The following FOXP1 variants were observed in gnomAD, a reference collection of about 807,000 sequenced individuals.
FOXP1 encodes the protein forkhead box P1, also known as forkhead box protein P1.
In FOXP1, 15 loss-of-function variants were observed where a neutral mutation model predicts 98.2. The observed-to-expected ratio is 0.15, with a 90% confidence interval of 0.10 to 0.24. The LOEUF is 0.24. Among genes scored for constraint, FOXP1 ranks in the 10% least tolerant of loss-of-function variants. The pLI is 1.00. For missense variants in FOXP1, 633 were observed against 848.5 expected, an observed-to-expected ratio of 0.75 and a Z score of 3.15; for synonymous variants, 371 against 314.5, an observed-to-expected ratio of 1.18 and a Z score of -1.90.
intron 5 of FOXP1, among the ~76,000 whole-genome samples, chr3:71,233,928 G>A (rs1479061325): frequency 6.6e-6 from 1 of 152,162 alleles, no homozygotes; most frequent in East Asian, 1.9e-4. Flanking sequence ...CTCTTTCTTC[G>A]AGGGTTTGTG....
intron 3 of FOXP1, among the ~76,000 whole-genome samples, chr3:71,393,481 CG>C (rs147745543): frequency 0.016 from 2,387 of 152,052 alleles, 50 homozygotes; most frequent in South Asian, 0.087. Context: ...TGTACATTTA[CG>C]CAGTGGATGC....
At chr3:71,014,351 CAAAAG>C (rs1321626118) in intron 12 of FOXP1, among the ~76,000 whole-genome samples, 3 of 152,120 alleles carry the variant, frequency 2.0e-5, no homozygotes, top group Admixed American at 2.0e-4. Flanking sequence ...AGACACTTCT[CAAAAG>C]AAGACATTTA....
chr3:71,289,767 C>A (rs2072551254), intron 5 of FOXP1: 1 of 151,992 alleles, frequency 6.6e-6, no homozygotes, highest in Non-Finnish European at 1.5e-5. Flanking sequence ...CTGCCTCAGC[C>A]TCCCAAGTGT....
chr3:71,558,499 A>AC (rs2046302592), intron 2 of FOXP1, among the ~76,000 whole-genome samples: 1 of 141,750 alleles, frequency 7.1e-6, no homozygotes, highest in African/African-American at 2.6e-5. Flanking sequence ...GTTTTTTTGG[A>AC]TTTTTTTTTT....
intron 6 of FOXP1, among the ~76,000 whole-genome samples, chr3:71,158,129 G>A (rs1339735414): frequency 0.011 from 487 of 45,780 alleles, 4 homozygotes; most frequent in African/African-American, 0.028. Context: ...GGGAGGGAGG[G>A]AGGGAGGGAG....
At chr3:71,126,890 C>CAAAAA (rs66876896) in intron 6 of FOXP1, among the ~76,000 whole-genome samples, 2 of 132,230 alleles carry the variant, frequency 1.5e-5, no homozygotes, top group African/African-American at 5.9e-5. Flanking sequence ...AAAACAAAAA[C>CAAAAA]AAAAAAAAAA....
rs766683691 is a variant in FOXP1, at chr3:70,977,712, C to A, written c.1359G>T (p.Ala453=). ...YNVPISSADI[A]QNQEFYKNAE... is the part of the protein sequence containing the mutation. ...CGTTCTTATAAAATTCTTGGTTCTGCGCAATATCTGCTGAATAAGAATCAT... is the reference window on the plus strand; with the variant it reads ...CGTTCTTATAAAATTCTTGGTTCTGAGCAATATCTGCTGAATAAGAATCAT... The change falls in exon 16 of 21, where the codon GCG becomes GCT. Residue 453 remains alanine, a synonymous_variant. Coordinates refer to ENST00000649528, the MANE Select transcript of FOXP1 (RefSeq NM_001349338.3). 1.9e-6 allele frequency: 3 copies of A among 1,614,006 alleles called. No homozygotes were observed. Among genetic ancestry groups the A allele is most frequent in the Non-Finnish European group, 2.5e-6 (3 of 1,179,910 alleles).
At chr3:71,056,365 C>G (rs987619471) in intron 7 of FOXP1, among the ~76,000 whole-genome samples, 2 of 152,136 alleles carry the variant, frequency 1.3e-5, no homozygotes, top group African/African-American at 4.8e-5. Flanking sequence ...TGACATCAAA[C>G]CAGTGGCTTA....
At chr3:71,197,481 C>T (rs769583872) in intron 6 of FOXP1, among the ~76,000 whole-genome samples, 4 of 152,180 alleles carry the variant, frequency 2.6e-5, no homozygotes, top group Admixed American at 1.3e-4. Context: ...TTACCAGTCA[C>T]TCACAGGTAC....
At chr3:70,964,175 A>G (rs1235134104) in intron 20 of FOXP1, among the ~76,000 whole-genome samples, 1 of 152,228 alleles carries the variant, frequency 6.6e-6, no homozygotes, top group Non-Finnish European at 1.5e-5. Flanking sequence ...GTGAGATTTG[A>G]GCAACGCATG....
chr3:71,565,328 T>C (rs1019178781), intron 2 of FOXP1, among the ~76,000 whole-genome samples: 5 of 152,210 alleles, frequency 3.3e-5, no homozygotes, highest in African/African-American at 9.6e-5. Flanking sequence ...TCCTTATTGG[T>C]ACCTTTGAAA....
intron 6 of FOXP1, among the ~76,000 whole-genome samples, chr3:71,158,111 G>GGGAA (rs1553762372): frequency 5.2e-5 from 3 of 57,968 alleles, no homozygotes; most frequent in Admixed American, 1.8e-4. Context: ...AAGGAAGGGA[G>GGGAA]GGAGGGAGGG....
intron 3 of FOXP1, among the ~76,000 whole-genome samples, chr3:71,475,925 T>C (rs2089792981): frequency 6.6e-6 from 1 of 151,520 alleles, no homozygotes; most frequent in Admixed American, 6.6e-5. Context: ...AAAAACCTCT[T>C]CATGGAGATC....
chr3:70,965,775 G>C lies in FOXP1; in HGVS notation c.1889+115C>G, dbSNP rs1237954316. Reference sequence around the variant, plus strand: ...GTACAAACTTCTAGCTTGGTTCTGGGAAATCAGAAATTACAGAAAAGGTAT... The same window carrying C: ...GTACAAACTTCTAGCTTGGTTCTGGCAAATCAGAAATTACAGAAAAGGTAT... On this transcript the variant is annotated intron_variant, in intron 20 of 20. Coordinates refer to ENST00000649528, the MANE Select transcript of FOXP1 (RefSeq NM_001349338.3). 8 of 1,117,964 alleles carry C rather than the reference G, an allele frequency of 7.2e-6. No individual in the cohort carries two copies. The East Asian group carries it at 1.9e-4, about 26-fold the overall frequency. The allele number at this position is 1,117,964 out of a possible 1,614,324, so 69.3% of individuals were successfully genotyped here. A position where few individuals can be genotyped will look rare whatever the true frequency, so the allele number is the denominator to read the frequency against.
Position 70,958,756 on chromosome 3 carries a change from AAAAAAAAAAAAGG to A in FOXP1, c.*478_*490del. ...TGGAAGCAAAAAAAAAAAAAAAAAAAAAAAAAAAAAAGGAGTAAAGGCAGTGATAATCAACATG... is the reference window on the plus strand; with the variant it reads ...TGGAAGCAAAAAAAAAAAAAAAAAAAAGTAAAGGCAGTGATAATCAACATG... On this transcript the variant is annotated 3_prime_UTR_variant, in exon 21 of 21. Coordinates refer to ENST00000649528, the MANE Select transcript of FOXP1 (RefSeq NM_001349338.3). 4.5e-6 allele frequency: 1 copy of A among 222,064 alleles called. No individual in the cohort carries two copies. Among genetic ancestry groups the A allele is most frequent in the African/African-American group, 2.3e-5 (1 of 43,720 alleles). The allele number at this position is 222,064 out of a possible 1,614,324, so 13.8% of individuals were successfully genotyped here. A position where few individuals can be genotyped will look rare whatever the true frequency, so the allele number is the denominator to read the frequency against.
At chr3:71,468,358 C>A (rs2088986020) in intron 3 of FOXP1, among the ~76,000 whole-genome samples, 1 of 152,086 alleles carries the variant, frequency 6.6e-6, no homozygotes, top group East Asian at 1.9e-4. Flanking sequence ...AGGTGAAGGA[C>A]CCCAACATTT....
chr3:71,010,806 A>C (rs1253936438), intron 12 of FOXP1, among the ~76,000 whole-genome samples: 2 of 152,100 alleles, frequency 1.3e-5, no homozygotes, highest in East Asian at 3.9e-4. Context: ...TACTTGATGC[A>C]TCACTCTCTG....
intron 4 of FOXP1, among the ~76,000 whole-genome samples, chr3:71,304,063 C>G (rs1016207957): frequency 2.0e-5 from 3 of 152,180 alleles, no homozygotes; most frequent in African/African-American, 7.2e-5. Context: ...CATTTTACTT[C>G]CTTTCTCCTC....
chr3:71,030,824 CT>C (rs1273273660), intron 11 of FOXP1, among the ~76,000 whole-genome samples: 1 of 152,148 alleles, frequency 6.6e-6, no homozygotes, highest in Non-Finnish European at 1.5e-5. Context: ...TTAAAGTAAA[CT>C]GCCATTTTTC....
Sources: allele counts gnomAD v4.1 joint callset (sites outside exome capture counted in the v4.1 genomes callset), GRCh38; gene constraint gnomAD v4.1.1; transcripts MANE v1.5; gene names NCBI Gene and HGNC (gene_info 2026-07-23, HGNC 2026-07-21).